Variants in PTPRO observed in about 807,000 individuals in gnomAD.
The protein encoded by PTPRO is receptor-type tyrosine-protein phosphatase O.
Under a neutral mutation model 145.2 loss-of-function variants are expected in PTPRO, and 62 were observed. The observed-to-expected ratio is 0.43, with a 90% confidence interval of 0.35 to 0.53. The LOEUF (loss-of-function observed/expected upper bound fraction) is 0.53. Ranked by LOEUF, PTPRO falls within the 20% of genes least tolerant of loss-of-function variation. The pLI, the probability that PTPRO is intolerant of heterozygous loss-of-function variation, is 0.01. For synonymous variants in PTPRO, 565 were observed against 514.7 expected, an observed-to-expected ratio of 1.10 and a Z score of -1.32; for missense variants, 1,345 against 1,482.7, an observed-to-expected ratio of 0.91 and a Z score of 1.53.
At chr12:15,390,937 C>G (rs753606829) in intron 1 of PTPRO, among the ~76,000 whole-genome samples, 1 of 152,170 alleles carries the variant, frequency 6.6e-6, no homozygotes, top group African/African-American at 2.4e-5. Context: ...TGGTAAGGGT[C>G]CTTTTGCTGG....
intron 1 of PTPRO, among the ~76,000 whole-genome samples, chr12:15,463,873 T>C (rs775353982): frequency 6.6e-6 from 1 of 152,222 alleles, no homozygotes; most frequent in Non-Finnish European, 1.5e-5. Flanking sequence ...AGGGGTAGGC[T>C]GGACAGCCAC....
rs190071767 is a variant in PTPRO, at chr12:15,527,043, G to T, written c.2164+781G>T. Reference sequence around the variant, plus strand: ...GATGGAAATAATTTTAATTAAAGTAGGGACAACACACCAAAAGTTTATAAA... The same window carrying T: ...GATGGAAATAATTTTAATTAAAGTATGGACAACACACCAAAAGTTTATAAA... On this transcript the variant is annotated intron_variant, in intron 12 of 26. Transcript: ENST00000281171. Among the ~76,000 whole-genome samples the T allele has an allele frequency of 3.2e-4, 49 of 152,186 alleles. No individual in the cohort carries two copies. In the East Asian group the frequency reaches 6.4e-3, roughly 20 times the overall value.
chr12:15,468,999 T>C (rs1293359913), intron 1 of PTPRO, among the ~76,000 whole-genome samples: 2 of 152,212 alleles, frequency 1.3e-5, no homozygotes, highest in East Asian at 3.8e-4. Flanking sequence ...AGGGCAGTGC[T>C]TACAAAAGGT....
intron 7 of PTPRO, among the ~76,000 whole-genome samples, chr12:15,515,060 C>T (rs938122981): frequency 4.6e-5 from 7 of 151,858 alleles, no homozygotes; most frequent in Non-Finnish European, 2.9e-5. Flanking sequence ...CCACTGTTCC[C>T]GGTGGTCATT....
chr12:15,462,498 T>TAAG (rs2136399256), intron 1 of PTPRO, among the ~76,000 whole-genome samples: 1 of 152,342 alleles, frequency 6.6e-6, no homozygotes, highest in Non-Finnish European at 1.5e-5. Context: ...TCTGTGCTTT[T>TAAG]AGTCATAATA....
intron 1 of PTPRO, among the ~76,000 whole-genome samples, chr12:15,368,170 C>G (rs528923636): frequency 1.3e-5 from 2 of 152,190 alleles, no homozygotes; most frequent in African/African-American, 4.8e-5. Flanking sequence ...TCCTGCCAAG[C>G]CTTTAGCTGT....
At chr12:15,459,618 A>T (rs1445198583) in intron 1 of PTPRO, among the ~76,000 whole-genome samples, 2 of 152,106 alleles carry the variant, frequency 1.3e-5, no homozygotes, top group Admixed American at 6.5e-5. Context: ...AAAGGAGTTG[A>T]CCTGTGTATT....
rs539422627 is a variant in PTPRO, at chr12:15,332,634, T to C, written c.75+9833T>C. On this transcript the variant is annotated intron_variant, in intron 1 of 26. Coordinates refer to ENST00000281171, the MANE Select transcript of PTPRO (RefSeq NM_030667.3). Reference sequence around the variant, plus strand: ...TCATTGAATCATAAAGCCATATTTTTTCAAAGACCATCTAGTTCAAAATTT... The same window carrying C: ...TCATTGAATCATAAAGCCATATTTTCTCAAAGACCATCTAGTTCAAAATTT... Among the ~76,000 whole-genome samples, 5 of 152,356 alleles carry C rather than the reference T, an allele frequency of 3.3e-5. No homozygotes were observed. The South Asian group carries it at 1.0e-3, about 32-fold the overall frequency.
intron 1 of PTPRO, among the ~76,000 whole-genome samples, chr12:15,341,702 A>G (rs562340017): frequency 5.9e-5 from 9 of 152,354 alleles, no homozygotes; most frequent in African/African-American, 1.4e-4. Flanking sequence ...TTGAATGTGC[A>G]TATCTTCTGA....
intron 7 of PTPRO, among the ~76,000 whole-genome samples, chr12:15,513,700 T>C (rs1007040364): frequency 3.3e-5 from 5 of 152,184 alleles, no homozygotes; most frequent in Admixed American, 3.3e-4. Flanking sequence ...TGTTCTCCAT[T>C]GATTCATGTT....
At chr12:15,355,713 T>C (rs1262835022) in intron 1 of PTPRO, among the ~76,000 whole-genome samples, 1 of 152,236 alleles carries the variant, frequency 6.6e-6, no homozygotes, top group East Asian at 1.9e-4. Context: ...CTTCATTAAG[T>C]TTCCAGACAG....
intron 1 of PTPRO, among the ~76,000 whole-genome samples, chr12:15,477,765 T>A (rs1401344083): frequency 6.6e-6 from 1 of 152,082 alleles, no homozygotes; most frequent in Admixed American, 6.5e-5. Context: ...CCGCTGCACT[T>A]TGGGTCTGTC....
chr12:15,442,466 A>T (rs767394597), intron 1 of PTPRO, among the ~76,000 whole-genome samples: 2 of 152,174 alleles, frequency 1.3e-5, no homozygotes, highest in Non-Finnish European at 2.9e-5. Context: ...CACCACTCCT[A>T]TTCAACATAG....
At chr12:15,352,788 T>G (rs1937853669) in intron 1 of PTPRO, among the ~76,000 whole-genome samples, 1 of 152,132 alleles carries the variant, frequency 6.6e-6, no homozygotes, top group Admixed American at 6.5e-5. Context: ...GATTCAGCCT[T>G]GATACACACG....
rs562353064 is a variant in PTPRO, at chr12:15,563,676, C to T, written c.2712-1917C>T. Among the ~76,000 whole-genome samples the T allele has an allele frequency of 2.6e-5, 4 of 152,220 alleles. No individual in the cohort carries two copies. The South Asian group carries it at 6.2e-4, about 24-fold the overall frequency. On this transcript the variant is annotated intron_variant, in intron 17 of 26. Coordinates refer to ENST00000281171, the MANE Select transcript of PTPRO (RefSeq NM_030667.3). ...AGATTGAAAGAAAAAAAATGTGTCT[C>T]TCCTCCATGAATCAAGTTTCTACGC...
intron 1 of PTPRO, among the ~76,000 whole-genome samples, chr12:15,448,552 G>A (rs1485632910): frequency 1.3e-5 from 2 of 151,988 alleles, no homozygotes; most frequent in East Asian, 3.9e-4. Flanking sequence ...GTGGAGAAAA[G>A]AGAAACCTTG....
chr12:15,352,467 G>A (rs1247716025), intron 1 of PTPRO, among the ~76,000 whole-genome samples: 2 of 151,834 alleles, frequency 1.3e-5, no homozygotes, highest in African/African-American at 2.4e-5. Flanking sequence ...TGGCTAACAC[G>A]GTGAAACCCC....
rs922797345 is a variant in PTPRO, at chr12:15,328,206, TC to T, written c.75+5407del. On this transcript the variant is annotated intron_variant, in intron 1 of 26. Transcript: ENST00000281171. ...CCAATTACTCCTAATGTTTCCCTTT[TC>T]CAAGCTTGTTCTAGGTCTTCAGAAC... Among the ~76,000 whole-genome samples the T allele has an allele frequency of 5.4e-4, 83 of 152,312 alleles. 1 individual carries two copies. The highest frequency in any genetic ancestry group is 1.9e-3 in the African/African-American group (80 of 41,566).
chr12:15,500,082 G>GAT, intron 4 of PTPRO, among the ~76,000 whole-genome samples: 4 of 101,190 alleles, frequency 4.0e-5, no homozygotes, highest in Non-Finnish European at 9.1e-5. Flanking sequence ...TAGATGGATG[G>GAT]GTGGATGGAT....
Sources: allele counts gnomAD v4.1 joint callset (sites outside exome capture counted in the v4.1 genomes callset), GRCh38; gene constraint gnomAD v4.1.1; transcripts MANE v1.5; gene names NCBI Gene and HGNC (gene_info 2026-07-23, HGNC 2026-07-21).